The following TSNARE1 variants were observed in gnomAD, a reference collection of about 807,000 sequenced individuals.
TSNARE1 encodes t-SNARE domain containing 1, also known as t-SNARE domain-containing protein 1.
TSNARE1 carries 49 observed loss-of-function variants against 62.0 expected under a neutral mutation model. The ratio of observed to expected loss-of-function variants is 0.79; its 90% CI spans 0.63 to 1.00. The LOEUF (loss-of-function observed/expected upper bound fraction) is 1.00, where lower values mean the gene tolerates loss of function less well. Among genes scored for constraint, TSNARE1 ranks in the 50% least tolerant of loss-of-function variants. The pLI, the probability that TSNARE1 is intolerant of heterozygous loss-of-function variation, is 0.00. For missense variants in TSNARE1, 755 were observed against 700.1 expected (o/e 1.08, Z -0.88); for synonymous variants, 328 against 294.4 (o/e 1.11, Z -1.17).
At chr8:142,387,134 A>G (rs1314086438) in intron 1 of TSNARE1, among the ~76,000 whole-genome samples, 1 of 152,200 alleles carries the variant, frequency 6.6e-6, no homozygotes, top group Non-Finnish European at 1.5e-5. Flanking sequence ...TGCAATTAAA[A>G]CTGGAATAGT....
intron 7 of TSNARE1, among the ~76,000 whole-genome samples, chr8:142,317,771 AAC>A (rs1828810884): frequency 6.6e-6 from 1 of 152,126 alleles, no homozygotes; most frequent in Non-Finnish European, 1.5e-5. Flanking sequence ...CAGCCTGAGC[AAC>A]ATGGTGAAAC....
At position 142,255,449 on chromosome 8, in the gene TSNARE1, CCACCAT is replaced by C. The variant is rs1218153193; in HGVS notation, c.1446+19326_1446+19331del. 6.6e-3 allele frequency among the ~76,000 whole-genome samples: 455 copies of C among 69,406 alleles called. 17 individuals are homozygous for C. The highest frequency in any genetic ancestry group is 8.3e-3 in the African/African-American group (91 of 10,986). 45.5% of individuals were successfully genotyped at this position (69,406 alleles called of 152,430 possible). A position where few individuals can be genotyped will look rare whatever the true frequency, so the allele number is the denominator to read the frequency against. ...ACCACCACCACTGTCACCATCACCA[CCACCAT>C]CACCATCACCATCACCACCACCATC... On this transcript the variant is annotated intron_variant, in intron 12 of 13. Transcript: ENST00000524325.
chr8:142,305,912 C>T (rs1402111847), intron 9 of TSNARE1, among the ~76,000 whole-genome samples: 1 of 152,190 alleles, frequency 6.6e-6, no homozygotes, highest in African/African-American at 2.4e-5. Flanking sequence ...CACGGTTTCC[C>T]GTGGGAAGAG....
chr8:142,307,298 C>A (rs1020709554), intron 9 of TSNARE1, among the ~76,000 whole-genome samples: 17 of 152,332 alleles, frequency 1.1e-4, no homozygotes, highest in African/African-American at 3.6e-4. Flanking sequence ...GCAGGTGCTG[C>A]TTTTCTGTGC....
chr8:142,224,429 G>C (rs1816679706), intron 13 of TSNARE1, among the ~76,000 whole-genome samples: 1 of 151,952 alleles, frequency 6.6e-6, no homozygotes, highest in Non-Finnish European at 1.5e-5. Context: ...GCTGACTTCT[G>C]ACCCTCACCA....
At chr8:142,349,902 G>A (rs965303058) in intron 2 of TSNARE1, among the ~76,000 whole-genome samples, 1 of 148,226 alleles carries the variant, frequency 6.7e-6, no homozygotes, top group African/African-American at 2.5e-5. Context: ...GGCAGACAGG[G>A]CAGGGACCAA....
intron 5 of TSNARE1, among the ~76,000 whole-genome samples, chr8:142,331,256 T>G (rs1432348261): frequency 2.6e-5 from 4 of 152,362 alleles, no homozygotes; most frequent in South Asian, 2.1e-4. Context: ...GCCCTGGCTC[T>G]GGGGACAGCT....
intron 4 of TSNARE1, among the ~76,000 whole-genome samples, chr8:142,341,801 C>A (rs1832621342): frequency 1.3e-5 from 2 of 152,232 alleles, no homozygotes; most frequent in Non-Finnish European, 2.9e-5. Context: ...CCTCCACCAT[C>A]CCGTTAATTA....
At position 142,332,439 on chromosome 8, in the gene TSNARE1, G is replaced by A. The variant is rs1383360223; in HGVS notation, c.746-608C>T. On this transcript the variant is annotated intron_variant, in intron 4 of 13. Transcript: ENST00000524325. ...GGGCATGACTGCTGATGGGTACGGG[G>A]GTGCTTTTGGGGGTGATGGAAACAT... Among the ~76,000 whole-genome samples, 4 of 152,026 alleles carry A rather than the reference G, an allele frequency of 2.6e-5. No individual in the cohort carries two copies. The South Asian group carries it at 6.3e-4, about 24-fold the overall frequency.
chr8:142,224,326 G>A (rs989298425), intron 13 of TSNARE1, among the ~76,000 whole-genome samples: 2 of 152,210 alleles, frequency 1.3e-5, no homozygotes, highest in Admixed American at 6.5e-5. Flanking sequence ...CCCCAAGCCT[G>A]ACTATGGACC....
At chr8:142,321,764 T>C (rs1283878833) in intron 6 of TSNARE1, among the ~76,000 whole-genome samples, 1 of 152,096 alleles carries the variant, frequency 6.6e-6, no homozygotes, top group East Asian at 1.9e-4. Flanking sequence ...CAAAAAGAAA[T>C]AGAAAACCTA....
At chr8:142,359,347 GCTGGCCCGGTC>G (rs1834986404) in intron 1 of TSNARE1, among the ~76,000 whole-genome samples, 1 of 152,072 alleles carries the variant, frequency 6.6e-6, no homozygotes, top group Admixed American at 6.6e-5. Context: ...CCTCACCCAC[GCTGGCCCGGTC>G]CAGTGCATCA....
At chr8:142,352,548 C>T (rs941389391) in intron 2 of TSNARE1, among the ~76,000 whole-genome samples, 17 of 152,266 alleles carry the variant, frequency 1.1e-4, no homozygotes, top group Non-Finnish European at 4.4e-5. Context: ...CCCTGAGATG[C>T]GGAACACGCA....
intron 9 of TSNARE1, among the ~76,000 whole-genome samples, chr8:142,308,252 T>C (rs1421439492): frequency 3.9e-5 from 6 of 152,210 alleles, no homozygotes; most frequent in African/African-American, 9.7e-5. Flanking sequence ...GGTTGGCACT[T>C]GTGCGTCTGT....
At chr8:142,363,199 G>A (rs1445779191) in intron 1 of TSNARE1, among the ~76,000 whole-genome samples, 2 of 152,204 alleles carry the variant, frequency 1.3e-5, no homozygotes, top group Admixed American at 1.3e-4. Context: ...GCCATCCCAA[G>A]ACCATGTGGC....
intron 1 of TSNARE1, among the ~76,000 whole-genome samples, chr8:142,363,589 G>A (rs1456032866): frequency 6.6e-6 from 1 of 152,088 alleles, no homozygotes; most frequent in East Asian, 1.9e-4. Flanking sequence ...CCTGAAGACG[G>A]CGTTCCCAGG....
chr8:142,286,808 C>T (rs920676899), intron 10 of TSNARE1, among the ~76,000 whole-genome samples: 16 of 152,196 alleles, frequency 1.1e-4, no homozygotes, highest in African/African-American at 3.6e-4. Flanking sequence ...CCACCAACTT[C>T]GACCCTGGCC....
intron 10 of TSNARE1, among the ~76,000 whole-genome samples, chr8:142,296,812 C>T (rs1824836168): frequency 6.6e-6 from 1 of 151,670 alleles, no homozygotes; most frequent in South Asian, 2.1e-4. Flanking sequence ...CACAGGCTCC[C>T]CAGGACGGGG....
At chr8:142,275,897 C>A in intron 11 of TSNARE1, 1 of 985,360 alleles carries the variant, frequency 1.0e-6, no homozygotes, top group Non-Finnish European at 1.2e-6. Flanking sequence ...AAAGACAAGG[C>A]CACTCCCCAC....
Sources: allele counts gnomAD v4.1 joint callset (sites outside exome capture counted in the v4.1 genomes callset), GRCh38; gene constraint gnomAD v4.1.1; transcripts MANE v1.5; gene names NCBI Gene and HGNC (gene_info 2026-07-23, HGNC 2026-07-21).